Variants in PHYKPL observed in about 807,000 individuals in gnomAD.
PHYKPL encodes the protein 5-phosphonooxy-L-lysine phospho-lyase.
PHYKPL carries 42 observed loss-of-function variants against 51.3 expected under a neutral mutation model. That is an observed-to-expected ratio of 0.82 (90% confidence interval 0.64 to 1.06). The LOEUF is 1.06. PHYKPL is among the 50% of genes least tolerant of loss of function. The probability of loss-of-function intolerance (pLI) is 0.00; values close to 1 mark genes in which losing one functional copy is unlikely to be tolerated. For missense variants in PHYKPL, 655 were observed against 586.6 expected, an observed-to-expected ratio of 1.12 and a Z score of -1.20; for synonymous variants, 264 against 236.0, an observed-to-expected ratio of 1.12 and a Z score of -1.09.
At chr5:178,210,204 G>A in intron 12 of PHYKPL, 1 of 1,613,004 alleles carries the variant, frequency 6.2e-7, no homozygotes, top group South Asian at 1.1e-5. Flanking sequence ...CAGGGCTACG[G>A]GCCTGGCTAT....
chr5:178,211,797 C>CT (rs1758524255), intron 12 of PHYKPL, 93 bp downstream of exon 12: 2 of 853,608 alleles, frequency 2.3e-6, no homozygotes, highest in South Asian at 1.6e-5. Context: ...AAAAAAAAGT[C>CT]TTAAAAAAAG....
intron 6 of PHYKPL, chr5:178,223,666 AC>A: frequency 2.9e-6 from 1 of 349,556 alleles, no homozygotes; most frequent in Non-Finnish European, 5.7e-6. Context: ...GGTTCTGCTA[AC>A]CTTTCTGGCC....
rs753420150 is a variant in PHYKPL, at chr5:178,213,015, T to C, written c.1261A>G (p.Asn421Asp). Reference protein sequence around the residue: ...FKPPMCFSLDNARQVVAKLDA... With the variant: ...FKPPMCFSLDDARQVVAKLDA... ...AGCTTTGCCACCACCTGCCGTGCAT[T>C]GTCCAGGCTGAAGCACATTGGGGGC... The change falls in exon 11 of 13, where the codon AAT becomes GAT. Residue 421 changes from asparagine (N) to aspartate (D), a missense_variant. By Grantham distance (23) the Asn-to-Asp change is conservative. Coordinates refer to ENST00000308158, the MANE Select transcript of PHYKPL (RefSeq NM_153373.4). 17 of 1,614,080 alleles carry C rather than the reference T, an allele frequency of 1.1e-5. No individual in the cohort carries two copies. Among genetic ancestry groups the C allele is most frequent in the African/African-American group, 2.7e-5 (2 of 74,946 alleles).
At chr5:178,218,099 C>T (rs1273577962) in intron 8 of PHYKPL, among the ~76,000 whole-genome samples, 2 of 116,594 alleles carry the variant, frequency 1.7e-5, no homozygotes, top group African/African-American at 3.7e-5. Flanking sequence ...CGCCTGTAGT[C>T]CCAGCTACTC....
At chr5:178,218,952 C>G (rs1478778993) in intron 8 of PHYKPL, among the ~76,000 whole-genome samples, 1 of 152,108 alleles carries the variant, frequency 6.6e-6, no homozygotes, top group Admixed American at 6.5e-5. Context: ...CAGAGCAAGA[C>G]TCCGTCTCAA....
chr5:178,211,119 A>G (rs1297273742), intron 12 of PHYKPL: 8 of 158,288 alleles, frequency 5.1e-5, no homozygotes, highest in Non-Finnish European at 1.4e-5. Context: ...CAACCTGGAT[A>G]TTGAAGCTAT....
intron 1 of PHYKPL, 181 bp downstream of exon 1, chr5:178,232,311 C>A: frequency 7.9e-7 from 1 of 1,262,298 alleles, no homozygotes; most frequent in Middle Eastern, 3.1e-4. Flanking sequence ...GACTGCCCAA[C>A]GGCGCCGCCC....
intron 8 of PHYKPL, among the ~76,000 whole-genome samples, chr5:178,219,648 C>T (rs529759820): frequency 1.3e-5 from 2 of 152,028 alleles, no homozygotes; most frequent in African/African-American, 4.8e-5. Context: ...GATGGGGTTT[C>T]ACCGTGTTAG....
intron 6 of PHYKPL, 184 bp downstream of exon 6, chr5:178,224,264 C>T (rs1581321265): frequency 3.1e-6 from 2 of 653,202 alleles, no homozygotes; most frequent in Non-Finnish European, 5.0e-6. Flanking sequence ...TGGCTGGCTA[C>T]CACGCCCATG....
intron 8 of PHYKPL, among the ~76,000 whole-genome samples, chr5:178,218,144 G>C (rs1277692618): frequency 8.2e-6 from 1 of 121,720 alleles, no homozygotes; most frequent in South Asian, 2.8e-4. Flanking sequence ...ATGAACCCGG[G>C]AGGCGGAGCT....
At position 178,232,607 on chromosome 5, in the gene PHYKPL, T is replaced by A; in HGVS notation, c.-57A>T. 1 of 1,247,800 alleles carries A rather than the reference T, an allele frequency of 8.0e-7. No individual in the cohort carries two copies. The highest frequency in any genetic ancestry group is 3.3e-5 in the South Asian group (1 of 30,298). 77.3% of individuals were successfully genotyped at this position (1,247,800 alleles called of 1,614,324 possible). A position where few individuals can be genotyped will look rare whatever the true frequency, so the allele number is the denominator to read the frequency against. On this transcript the variant is annotated 5_prime_UTR_variant, in exon 1 of 13. Coordinates refer to ENST00000308158, the MANE Select transcript of PHYKPL (RefSeq NM_153373.4). ...CACGCGGAGACGTCGCCGCGCGGGC[T>A]GGGCCTCCAAGGCCCCGCTCCGGGC...
intron 8 of PHYKPL, among the ~76,000 whole-genome samples, chr5:178,221,849 G>A (rs1028711159): frequency 3.0e-4 from 46 of 152,258 alleles, no homozygotes; most frequent in African/African-American, 1.0e-3. Flanking sequence ...TCTTTCCTGT[G>A]GGGCTCGTGC....
chr5:178,224,569 G>T lies in PHYKPL; in HGVS notation c.502-5C>A. ...GTAGGTGTCTGGGAGAGGTGCCTGT[G>T]GGGAGTGACAGCGCCATGTTATCCG... On this transcript the variant is annotated splice_polypyrimidine_tract_variant and splice_region_variant and intron_variant, in intron 5 of 12. Transcript: ENST00000308158. The T allele has an allele frequency of 1.2e-6, 2 of 1,614,164 alleles. No homozygotes were observed. Among genetic ancestry groups the T allele is most frequent in the Non-Finnish European group, 1.7e-6 (2 of 1,179,970 alleles).
downstream of PHYKPL, among the ~76,000 whole-genome samples, chr5:178,207,956 C>A (rs759214323): frequency 2.6e-5 from 4 of 152,114 alleles, no homozygotes; most frequent in Non-Finnish European, 5.9e-5. Flanking sequence ...GGATTACAGG[C>A]ATGAACTGCC....
rs767514054 is a variant in PHYKPL, at chr5:178,222,840, C to T, written c.701+12G>A. On this transcript the variant is annotated intron_variant, in intron 7 of 12. Transcript: ENST00000308158. ...CTGCCCTCCCTAGAGCAGACCCCGCCCACCTACTCACTCTGCCACTTGGGA... is the reference window on the plus strand; with the variant it reads ...CTGCCCTCCCTAGAGCAGACCCCGCTCACCTACTCACTCTGCCACTTGGGA... The T allele has an allele frequency of 6.2e-7, 1 of 1,613,944 alleles. No individual in the cohort carries two copies. The highest frequency in any genetic ancestry group is 8.5e-7 in the Non-Finnish European group (1 of 1,179,864).
intron 12 of PHYKPL, chr5:178,211,149 T>C (rs2113659173): frequency 6.4e-6 from 1 of 156,280 alleles, no homozygotes; most frequent in Admixed American, 6.4e-5. Flanking sequence ...TGAAATAAAA[T>C]TTAAAAACCC....
intron 1 of PHYKPL, 198 bp downstream of exon 1, chr5:178,232,294 C>G (rs576257357): frequency 8.0e-7 from 1 of 1,249,742 alleles, no homozygotes; most frequent in Non-Finnish European, 1.0e-6. Flanking sequence ...CGGAGACCAC[C>G]CGCCGGGACT....
intron 2 of PHYKPL, 147 bp downstream of exon 2, chr5:178,231,258 G>T: frequency 1.5e-6 from 2 of 1,339,664 alleles, no homozygotes; most frequent in Non-Finnish European, 2.1e-6. Flanking sequence ...CAGCTATATT[G>T]CGAAGGCTGA....
chr5:178,225,671 T>C, intron 3 of PHYKPL: 1 of 537,762 alleles, frequency 1.9e-6, no homozygotes. Context: ...GTATGTGTCA[T>C]GAAAGTTGTT....
Sources: gnomAD v4.1 joint callset for allele counts (sites outside exome capture counted in the v4.1 genomes callset) on GRCh38, gnomAD v4.1.1 for gene constraint, MANE v1.5 for transcripts, NCBI Gene and HGNC (gene_info 2026-07-23, HGNC 2026-07-21) for gene names.